MTFMT: variants seen among roughly 807,000 people sequenced by gnomAD.
The protein encoded by MTFMT is methionyl-tRNA formyltransferase, mitochondrial.
Under a neutral mutation model 51.8 loss-of-function variants are expected in MTFMT, and 47 were observed. The ratio of observed to expected loss-of-function variants is 0.91; its 90% CI spans 0.72 to 1.16. The LOEUF is 1.16. Among genes scored for constraint, MTFMT ranks in the 50% most tolerant of loss-of-function variants. MTFMT has a pLI of 0.00. For synonymous variants in MTFMT, 196 were observed against 176.7 expected (o/e 1.11, Z -0.87); for missense variants, 512 against 482.3 (o/e 1.06, Z -0.58).
Position 65,029,433 on chromosome 15 carries a change from C to A in MTFMT, c.181G>T (p.Glu61Ter). The A allele has an allele frequency of 6.6e-7, 1 of 1,505,474 alleles. No individual in the cohort carries two copies. Among genetic ancestry groups the A allele is most frequent in the Non-Finnish European group, 8.9e-7 (1 of 1,129,172 alleles). 93.3% of individuals were successfully genotyped at this position (1,505,474 alleles called of 1,614,324 possible). The change falls in exon 1 of 9, where the codon GAG becomes TAG. Residue 61 changes from glutamate (E) to a stop codon, truncating the protein, a stop_gained. Coordinates refer to ENST00000220058, the MANE Select transcript of MTFMT (RefSeq NM_139242.4). LOFTEE classifies it high-confidence loss of function. ...GCGGCGTGCAGCGCCCGCAGCGCCTCGCGGGCGAACTGGTCCGTGCCGAAG... is the reference window on the plus strand; with the variant it reads ...GCGGCGTGCAGCGCCCGCAGCGCCTAGCGGGCGAACTGGTCCGTGCCGAAG... ...LFFGTDQFAR[E>*]ALRALHAARE... is the part of the protein sequence containing the mutation.
At chr15:65,005,935 T>C (rs1442543951) in intron 7 of MTFMT, among the ~76,000 whole-genome samples, 178 bp downstream of exon 7, 3 of 152,086 alleles carry the variant, frequency 2.0e-5, no homozygotes, top group Non-Finnish European at 4.4e-5. Context: ...AATGAGAAAA[T>C]ATATGAGAAT....
At chr15:65,015,167 G>A (rs147806521) in intron 6 of MTFMT, among the ~76,000 whole-genome samples, 27 of 152,194 alleles carry the variant, frequency 1.8e-4, no homozygotes, top group African/African-American at 3.6e-4. Flanking sequence ...ACTAAAGCTC[G>A]GAGGTTAAAT....
intron 6 of MTFMT, among the ~76,000 whole-genome samples, chr15:65,013,608 A>C (rs1595889776): frequency 6.6e-6 from 1 of 152,084 alleles, no homozygotes; most frequent in Non-Finnish European, 1.5e-5. Context: ...TGTTACATTG[A>C]CTGATTTTCA....
At chr15:65,006,533 T>G (rs557018836) in intron 6 of MTFMT, among the ~76,000 whole-genome samples, 1 of 151,994 alleles carries the variant, frequency 6.6e-6, no homozygotes, top group African/African-American at 2.4e-5. Context: ...CCTGCAACCA[T>G]GCCCGGCTAA....
At chr15:65,010,263 C>T (rs796395680) in intron 6 of MTFMT, among the ~76,000 whole-genome samples, 30 of 152,138 alleles carry the variant, frequency 2.0e-4, no homozygotes, top group African/African-American at 6.5e-4. Flanking sequence ...TTGAAGCTTC[C>T]AAGTCAGTGG....
At chr15:65,004,326 T>G (rs1227007153) in intron 8 of MTFMT, among the ~76,000 whole-genome samples, 1 of 152,066 alleles carries the variant, frequency 6.6e-6, no homozygotes, top group Non-Finnish European at 1.5e-5. Context: ...TAAACACTCT[T>G]AAGTATGAAA....
intron 6 of MTFMT, among the ~76,000 whole-genome samples, chr15:65,007,882 G>A (rs1291690857): frequency 6.6e-6 from 1 of 151,948 alleles, no homozygotes; most frequent in Non-Finnish European, 1.5e-5. Flanking sequence ...TCAGTTTGTT[G>A]ACTTTTAATC....
In MTFMT at chr15:65,029,573, G is replaced by A. The variant is rs1401470928; in HGVS notation, c.41C>T (p.Ala14Val). The A allele has an allele frequency of 2.7e-6, 4 of 1,499,638 alleles. No individual in the cohort carries two copies. Among genetic ancestry groups the A allele is most frequent in the African/African-American group, 1.4e-5 (1 of 69,036 alleles). The allele number at this position is 1,499,638 out of a possible 1,614,324, so 92.9% of individuals were successfully genotyped here. Residue 14 changes from alanine to valine, a missense_variant, in exon 1 of 9, where the codon GCT becomes GTT. Physicochemically the swap from Ala to Val is moderately conservative, Grantham distance 64. Transcript: ENST00000220058. ...CGGCCTCCCACGCCTGGCGCCATGA[G>A]CCAGCGGAGGACCCCAACAGCGCCG... ...LVRRCWGPPLAHGARRGRPSP... is the reference protein window; with the variant it reads ...LVRRCWGPPLVHGARRGRPSP...
chr15:65,003,328 T>A (rs920551012), intron 8 of MTFMT, 72 bp from the exon 9 acceptor site: 41 of 1,194,066 alleles, frequency 3.4e-5, no homozygotes, highest in Admixed American at 2.5e-4. Context: ...TATTAGTTTA[T>A]AAAATTTTTA....
At chr15:65,022,325 T>A (rs2086380952) in intron 3 of MTFMT, among the ~76,000 whole-genome samples, 1 of 152,028 alleles carries the variant, frequency 6.6e-6, no homozygotes, top group Non-Finnish European at 1.5e-5. Context: ...TGGTAGCGTG[T>A]GCCTGTAGTC....
At chr15:65,011,283 T>C (rs971946608) in intron 6 of MTFMT, among the ~76,000 whole-genome samples, 3 of 151,958 alleles carry the variant, frequency 2.0e-5, no homozygotes, top group Non-Finnish European at 2.9e-5. Context: ...GGTCGCACCA[T>C]TGCACTCCAG....
chr15:65,021,484 A>G, intron 4 of MTFMT, 30 bp downstream of exon 4: 5 of 1,518,252 alleles, frequency 3.3e-6, no homozygotes, highest in Non-Finnish European at 3.7e-6. Flanking sequence ...CTAAATGAGT[A>G]AAAAGCAGTA....
At chr15:65,006,375 G>A (rs1456429900) in intron 6 of MTFMT, among the ~76,000 whole-genome samples, 184 bp from the exon 7 acceptor site, 2 of 148,230 alleles carry the variant, frequency 1.3e-5, no homozygotes, top group Non-Finnish European at 3.0e-5. Context: ...GGATTTATAA[G>A]ATCTTTTTTT....
rs567743521 is a variant in MTFMT, at chr15:65,026,503, C to T, written c.419+328G>A. On this transcript the variant is annotated intron_variant, in intron 2 of 8. Coordinates refer to ENST00000220058, the MANE Select transcript of MTFMT (RefSeq NM_139242.4). ...AGCCTGGTATGAATCAACTCTGTTA[C>T]CAGAGAAAGGGAACATCTTAAGTTA... The T allele has an allele frequency of 4.6e-3, 1,322 of 286,106 alleles. 11 individuals are homozygous for T. Among genetic ancestry groups the T allele is most frequent in the Non-Finnish European group, 7.1e-3 (1,027 of 145,628 alleles). The allele number at this position is 286,106 out of a possible 1,614,324, so 17.7% of individuals were successfully genotyped here. A position where few individuals can be genotyped will look rare whatever the true frequency, so the allele number is the denominator to read the frequency against.
chr15:65,011,236 C>T (rs148737050), intron 6 of MTFMT, among the ~76,000 whole-genome samples: 6,467 of 152,134 alleles, frequency 0.043, 181 homozygotes, highest in Non-Finnish European at 0.06. Context: ...GCAGGAGAAT[C>T]GCTTGAATCC....
rs369821271 is a variant in MTFMT at position 65,004,822 on chromosome 15, C to T, written c.975+32G>A. ...TACAGACTATAACATAGTAAAACAACTATGATAACTTGAAACTAATGAAAA... is the reference window on the plus strand; with the variant it reads ...TACAGACTATAACATAGTAAAACAATTATGATAACTTGAAACTAATGAAAA... On this transcript the variant is annotated intron_variant, in intron 8 of 8. Coordinates refer to ENST00000220058, the MANE Select transcript of MTFMT (RefSeq NM_139242.4). 1.3e-5 allele frequency: 19 copies of T among 1,440,394 alleles called. No individual in the cohort carries two copies. In the African/African-American group the frequency reaches 2.4e-4, roughly 18 times the overall value. The allele number at this position is 1,440,394 out of a possible 1,614,324, so 89.2% of individuals were successfully genotyped here. A position where few individuals can be genotyped will look rare whatever the true frequency, so the allele number is the denominator to read the frequency against.
intron 5 of MTFMT, among the ~76,000 whole-genome samples, chr15:65,017,430 A>G (rs1441794267): frequency 6.6e-6 from 1 of 152,250 alleles, no homozygotes; most frequent in Non-Finnish European, 1.5e-5. Context: ...ATTATTTGAA[A>G]TAGCAAAAGA....
chr15:65,003,370 C>T, intron 8 of MTFMT, 114 bp from the exon 9 acceptor site: 1 of 767,302 alleles, frequency 1.3e-6, no homozygotes. Context: ...CAAATCTTTA[C>T]TAAATGCCTA....
At position 65,026,858 on chromosome 15, in the gene MTFMT, T is replaced by C. The variant is rs775833784; in HGVS notation, c.392A>G (p.Asn131Ser). Residue 131 changes from asparagine (N) to serine (S), a missense_variant, in exon 2 of 9, where the codon AAT becomes AGT. Coordinates refer to ENST00000220058, the MANE Select transcript of MTFMT (RefSeq NM_139242.4). Reference protein sequence around the residue: ...GVVASFGRLLNEALILKFPYG... With the variant: ...GVVASFGRLLSEALILKFPYG... ...GGGAAATTTAAGAATAAGAGCCTCA[T>C]TCAAAAGTCGGCCAAACGAAGCCAC... 1.2e-6 allele frequency: 2 copies of C among 1,613,976 alleles called. No homozygotes were observed. The highest frequency in any genetic ancestry group is 1.7e-5 in the Admixed American group (1 of 60,016).
Sources: gnomAD v4.1 joint callset for allele counts (sites outside exome capture counted in the v4.1 genomes callset) on GRCh38, gnomAD v4.1.1 for gene constraint, MANE v1.5 for transcripts, NCBI Gene and HGNC (gene_info 2026-07-23, HGNC 2026-07-21) for gene names.